STX8: variants seen among roughly 807,000 people sequenced by gnomAD.
STX8 encodes the protein syntaxin 8.
STX8 carries 23 observed loss-of-function variants against 37.5 expected under a neutral mutation model. That is an observed-to-expected ratio of 0.61 (90% confidence interval 0.44 to 0.87). The LOEUF (loss-of-function observed/expected upper bound fraction) is 0.87. Among genes scored for constraint, STX8 ranks in the 40% least tolerant of loss-of-function variants. STX8 has a pLI of 0.00. For missense variants in STX8, 313 were observed against 284.7 expected (o/e 1.10, Z -0.71); for synonymous variants, 115 against 99.1 (o/e 1.16, Z -0.95).
At chr17:9,281,657 G>C (rs1355887167) in intron 7 of STX8, among the ~76,000 whole-genome samples, 2 of 152,174 alleles carry the variant, frequency 1.3e-5, no homozygotes, top group Non-Finnish European at 2.9e-5. Flanking sequence ...TAAAAGGCTG[G>C]GCACAGTGGC....
chr17:9,290,448 T>C (rs1908275987), intron 7 of STX8, among the ~76,000 whole-genome samples: 1 of 152,218 alleles, frequency 6.6e-6, no homozygotes, highest in South Asian at 2.1e-4. Context: ...TCCTCTTGGC[T>C]GCTCAGCAAG....
At chr17:9,307,947 CT>C (rs1356956304) in intron 7 of STX8, among the ~76,000 whole-genome samples, 1 of 152,158 alleles carries the variant, frequency 6.6e-6, no homozygotes, top group African/African-American at 2.4e-5. Flanking sequence ...CAAAGGGTTT[CT>C]GCCCCATACC....
chr17:9,298,062 A>G lies in STX8; in HGVS notation c.644-47417T>C, dbSNP rs191724008. 1.7e-3 allele frequency among the ~76,000 whole-genome samples: 264 copies of G among 152,322 alleles called. 2 individuals carry two copies. The highest frequency in any genetic ancestry group is 6.1e-3 in the African/African-American group (254 of 41,570). On this transcript the variant is annotated intron_variant, in intron 7 of 7. Transcript: ENST00000306357. ...AGTGTCTTCCCCAAACAGCTTCAGG[A>G]TACCCAAAATTCCACTGCTGGTAGA...
intron 7 of STX8, among the ~76,000 whole-genome samples, chr17:9,283,977 G>A (rs1242093482): frequency 1.3e-5 from 2 of 152,132 alleles, no homozygotes; most frequent in African/African-American, 4.8e-5. Context: ...GAATACTGAA[G>A]CCTTTTTTAT....
At chr17:9,281,290 GA>G (rs1346750724) in intron 7 of STX8, among the ~76,000 whole-genome samples, 2 of 152,186 alleles carry the variant, frequency 1.3e-5, no homozygotes, top group Non-Finnish European at 2.9e-5. Context: ...TGGAATTGGT[GA>G]AAACTGGCAT....
intron 4 of STX8, among the ~76,000 whole-genome samples, chr17:9,533,476 A>G (rs1345670402): frequency 2.0e-5 from 3 of 152,244 alleles, no homozygotes; most frequent in African/African-American, 7.2e-5. Flanking sequence ...AAACAAAACA[A>G]AACAAAAAAA....
At chr17:9,537,230 A>G (rs1208432521) in intron 4 of STX8, among the ~76,000 whole-genome samples, 1 of 152,236 alleles carries the variant, frequency 6.6e-6, no homozygotes, top group African/African-American at 2.4e-5. Flanking sequence ...ACAAAGCTGC[A>G]TGCTTCACCA....
chr17:9,447,642 C>G (rs1016699925), intron 6 of STX8, among the ~76,000 whole-genome samples: 1 of 151,864 alleles, frequency 6.6e-6, no homozygotes. Context: ...AGGCTGGTCT[C>G]GAACTCCTGA....
At chr17:9,357,408 G>A (rs987462890) in intron 7 of STX8, among the ~76,000 whole-genome samples, 10 of 152,072 alleles carry the variant, frequency 6.6e-5, no homozygotes, top group African/African-American at 2.2e-4. Flanking sequence ...AAAAAAGACT[G>A]GCCAGGCACG....
intron 7 of STX8, among the ~76,000 whole-genome samples, chr17:9,289,527 T>A (rs1908232146): frequency 6.7e-6 from 1 of 149,728 alleles, no homozygotes. Flanking sequence ...TTTTTTTTTT[T>A]AGTTTGGTAG....
At chr17:9,460,830 G>A (rs572827767) in intron 6 of STX8, among the ~76,000 whole-genome samples, 2 of 152,252 alleles carry the variant, frequency 1.3e-5, no homozygotes, top group East Asian at 3.9e-4. Flanking sequence ...CTTGGTAGCT[G>A]TGTGCCTTTC....
intron 4 of STX8, among the ~76,000 whole-genome samples, chr17:9,520,426 A>C (rs1275133381): frequency 6.6e-6 from 1 of 152,214 alleles, no homozygotes; most frequent in African/African-American, 2.4e-5. Flanking sequence ...AAATTAAAGA[A>C]AGGAAATGCT....
At chr17:9,331,988 C>T (rs1316295521) in intron 7 of STX8, among the ~76,000 whole-genome samples, 1 of 152,166 alleles carries the variant, frequency 6.6e-6, no homozygotes, top group Non-Finnish European at 1.5e-5. Context: ...AATACTTGGG[C>T]GGCTAACAAT....
chr17:9,561,758 AT>A (rs927423368), intron 2 of STX8, among the ~76,000 whole-genome samples: 8 of 151,654 alleles, frequency 5.3e-5, no homozygotes, highest in African/African-American at 1.7e-4. Context: ...CCTAGTAGAG[AT>A]TTTTTTAAAA....
chr17:9,372,341 T>G (rs1911433684), intron 7 of STX8, among the ~76,000 whole-genome samples: 1 of 151,960 alleles, frequency 6.6e-6, no homozygotes. Flanking sequence ...TCCCAGTTTC[T>G]TGTGGGAAGG....
At chr17:9,434,503 C>G (rs1904356534) in intron 6 of STX8, among the ~76,000 whole-genome samples, 2 of 152,278 alleles carry the variant, frequency 1.3e-5, no homozygotes, top group East Asian at 3.9e-4. Context: ...GCAGAGAAGA[C>G]AGGGTCTGGG....
intron 6 of STX8, among the ~76,000 whole-genome samples, chr17:9,420,441 T>TC (rs1461027870): frequency 1.3e-5 from 2 of 152,078 alleles, no homozygotes; most frequent in East Asian, 3.9e-4. Context: ...ATTCTAAATG[T>TC]CCCCTCTCCT....
rs536210798 is a variant in STX8 at position 9,494,928 on chromosome 17, A to G, written c.449-3007T>C. On this transcript the variant is annotated intron_variant, in intron 5 of 7. Transcript: ENST00000306357. The stretch of plus-strand genomic sequence containing the variant: ...TCTTGTTCACCACGGAACACGCCGC[A>G]TGAAGGTAACATTGTACCCCTCGCA... 2.6e-4 allele frequency among the ~76,000 whole-genome samples: 39 copies of G among 152,318 alleles called. No individual in the cohort carries two copies. The South Asian group carries it at 7.7e-3, about 30-fold the overall frequency.
chr17:9,557,779 G>A (rs1251333187), intron 2 of STX8, among the ~76,000 whole-genome samples: 3 of 152,094 alleles, frequency 2.0e-5, no homozygotes, highest in African/African-American at 4.8e-5. Context: ...CTGGAACCCC[G>A]ATACTGACTA....
Sources: gnomAD v4.1 joint callset for allele counts (sites outside exome capture counted in the v4.1 genomes callset) on GRCh38, gnomAD v4.1.1 for gene constraint, MANE v1.5 for transcripts, NCBI Gene and HGNC (gene_info 2026-07-23, HGNC 2026-07-21) for gene names.